The following CNBD1 variants were observed in gnomAD, a reference collection of about 807,000 sequenced individuals.
The protein encoded by CNBD1 is cyclic nucleotide binding domain containing 1, also known as cyclic nucleotide-binding domain-containing protein 1.
In CNBD1, 71 loss-of-function variants were observed where a neutral mutation model predicts 54.4. The ratio of observed to expected loss-of-function variants is 1.30; its 90% CI spans 1.08 to 1.59. The LOEUF (loss-of-function observed/expected upper bound fraction) is 1.59. CNBD1 is among the 40% of genes most tolerant of loss of function. CNBD1 has a pLI of 0.00. For missense variants in CNBD1, 659 were observed against 518.0 expected (o/e 1.27, Z -2.64); for synonymous variants, 182 against 170.7 (o/e 1.07, Z -0.51).
intron 6 of CNBD1, among the ~76,000 whole-genome samples, chr8:87,237,918 A>G (rs535285440): frequency 1.3e-5 from 2 of 152,288 alleles, no homozygotes; most frequent in East Asian, 3.9e-4. Flanking sequence ...TGAATGAATG[A>G]TGTTTCTGAT....
chr8:86,935,301 G>T (rs1586145928), intron 3 of CNBD1, among the ~76,000 whole-genome samples: 1 of 152,160 alleles, frequency 6.6e-6, no homozygotes, highest in Admixed American at 6.5e-5. Context: ...CTCCCAAAGT[G>T]CTGGGATTAC....
intron 4 of CNBD1, among the ~76,000 whole-genome samples, chr8:87,072,132 C>G (rs530986387): frequency 6.6e-6 from 1 of 152,206 alleles, no homozygotes; most frequent in South Asian, 2.1e-4. Flanking sequence ...AGGATTGCAA[C>G]CCCGGCTTTT....
intron 4 of CNBD1, among the ~76,000 whole-genome samples, chr8:87,081,645 A>G (rs1278591262): frequency 6.6e-6 from 1 of 151,924 alleles, no homozygotes; most frequent in Non-Finnish European, 1.5e-5. Flanking sequence ...AGCTGGGATA[A>G]CAGGCGCGCC....
rs146579605 is a variant in CNBD1, at chr8:87,300,094, G to T, written c.1042+13423G>T. ...AAATGTTAACATGTGGAGAACATAT[G>T]CAAATCAGTTATCCATAAGTCAGCA... On this transcript the variant is annotated intron_variant, in intron 8 of 10. Transcript: ENST00000518476. 2.8e-3 allele frequency among the ~76,000 whole-genome samples: 421 copies of T among 152,160 alleles called. 5 individuals carry two copies. The highest frequency in any genetic ancestry group is 9.5e-3 in the African/African-American group (395 of 41,512).
chr8:87,395,086 G>T (rs1232062229), intron 2 of CNBD1, among the ~76,000 whole-genome samples: 2 of 151,806 alleles, frequency 1.3e-5, no homozygotes, highest in Non-Finnish European at 2.9e-5. Context: ...ATAACATAAA[G>T]TTAAATGTAT....
At chr8:87,256,899 T>G (rs1032920398) in intron 6 of CNBD1, among the ~76,000 whole-genome samples, 7 of 151,914 alleles carry the variant, frequency 4.6e-5, no homozygotes, top group Admixed American at 2.6e-4. Flanking sequence ...ACAGTCTTTC[T>G]ATGATGTTCT....
chr8:87,064,664 T>C (rs575835540), intron 4 of CNBD1, among the ~76,000 whole-genome samples: 1 of 152,086 alleles, frequency 6.6e-6, no homozygotes, highest in Non-Finnish European at 1.5e-5. Context: ...GATATTCTAG[T>C]AACCCACCTT....
chr8:87,112,776 T>C (rs191693008), intron 4 of CNBD1, among the ~76,000 whole-genome samples: 1 of 152,264 alleles, frequency 6.6e-6, no homozygotes, highest in East Asian at 1.9e-4. Flanking sequence ...GTGGGGACTT[T>C]ATTGCATCTG....
chr8:87,016,328 T>G (rs1206156520), intron 4 of CNBD1, among the ~76,000 whole-genome samples: 2 of 151,882 alleles, frequency 1.3e-5, no homozygotes, highest in Non-Finnish European at 2.9e-5. Context: ...AATAAGCTTT[T>G]GTTAAAATTT....
intron 8 of CNBD1, among the ~76,000 whole-genome samples, chr8:87,343,258 CAT>C (rs760217769): frequency 4.6e-5 from 7 of 152,140 alleles, no homozygotes; most frequent in African/African-American, 7.2e-5. Context: ...TTCAAACACA[CAT>C]GTTTTACGGT....
intron 4 of CNBD1, among the ~76,000 whole-genome samples, chr8:87,076,734 A>G (rs1016039636): frequency 9.9e-5 from 15 of 151,396 alleles, no homozygotes; most frequent in Non-Finnish European, 1.9e-4. Context: ...GAGCCACCAC[A>G]CCCGGCTGAA....
chr8:87,390,990 G>C (rs28895922), intron 2 of CNBD1, among the ~76,000 whole-genome samples: 1 of 149,640 alleles, frequency 6.7e-6, no homozygotes, highest in South Asian at 2.1e-4. Context: ...CTATCACAAG[G>C]ACAAAAAACC....
chr8:87,166,987 C>T lies in CNBD1; in HGVS notation c.432-39006C>T, dbSNP rs1315503386. On this transcript the variant is annotated intron_variant, in intron 4 of 10. Coordinates refer to ENST00000518476, the MANE Select transcript of CNBD1 (RefSeq NM_173538.3). The surrounding 1 kb of genome is among the most constrained non-coding windows in gnomAD (Gnocchi z 4.3). ...GCTTAACCAAAATGAATGTAGATAGCAATGTGACCATATAAAATATTTTAC... is the reference window on the plus strand; with the variant it reads ...GCTTAACCAAAATGAATGTAGATAGTAATGTGACCATATAAAATATTTTAC... Among the ~76,000 whole-genome samples the T allele has an allele frequency of 6.6e-6, 1 of 151,816 alleles. No homozygotes were observed. The highest frequency in any genetic ancestry group is 1.5e-5 in the Non-Finnish European group (1 of 67,910).
chr8:87,285,934 C>CT (rs1419381245), intron 7 of CNBD1, among the ~76,000 whole-genome samples: 2 of 152,116 alleles, frequency 1.3e-5, no homozygotes, highest in Non-Finnish European at 2.9e-5. Flanking sequence ...GCTGTTTCAT[C>CT]TTTTTTTGAA....
chr8:86,899,514 T>A (rs1013120210), intron 2 of CNBD1, among the ~76,000 whole-genome samples: 2 of 152,182 alleles, frequency 1.3e-5, no homozygotes, highest in Admixed American at 6.5e-5. Flanking sequence ...TTTCACTTAG[T>A]TCTTCAAGTT....
rs748906234 is a variant in CNBD1 at position 87,351,717 on chromosome 8, G to T, written c.1075G>T (p.Val359Leu). ...IVESGNIISF[V>L]GYINSGCCNI... ...GGAAAGTGGAAATATAATTTCTTTTGTGGGTTATATTAACTCTGGATGCTG... is the reference window on the plus strand; with the variant it reads ...GGAAAGTGGAAATATAATTTCTTTTTTGGGTTATATTAACTCTGGATGCTG... Residue 359 changes from valine (V) to leucine (L), a missense_variant, in exon 9 of 11, where the codon GTG (valine) becomes TTG (leucine). Coordinates refer to ENST00000518476, the MANE Select transcript of CNBD1 (RefSeq NM_173538.3). 1.4e-5 allele frequency: 21 copies of T among 1,531,038 alleles called. No individual in the cohort carries two copies. The highest frequency in any genetic ancestry group is 2.4e-5 in the East Asian group (1 of 40,818). 94.8% of individuals were successfully genotyped at this position (1,531,038 alleles called of 1,614,324 possible). A position where few individuals can be genotyped will look rare whatever the true frequency, so the allele number is the denominator to read the frequency against.
At chr8:87,082,785 A>G (rs1811022940) in intron 4 of CNBD1, among the ~76,000 whole-genome samples, 1 of 152,016 alleles carries the variant, frequency 6.6e-6, no homozygotes. Context: ...TTGTTTTCAA[A>G]ATGTTCCATC....
chr8:87,011,976 A>G (rs983545822), intron 4 of CNBD1, among the ~76,000 whole-genome samples: 38 of 152,174 alleles, frequency 2.5e-4, no homozygotes, highest in African/African-American at 8.7e-4. Flanking sequence ...TAAATACAAA[A>G]CAATTTACAT....
intron 1 of CNBD1, among the ~76,000 whole-genome samples, chr8:86,870,501 C>T (rs2446122): frequency 6.6e-6 from 1 of 151,734 alleles, no homozygotes; most frequent in Admixed American, 6.6e-5. Flanking sequence ...CTGGCCAACA[C>T]GATAGTACTC....
Sources: gnomAD v4.1 joint callset for allele counts (sites outside exome capture counted in the v4.1 genomes callset) on GRCh38, gnomAD v4.1.1 for gene constraint, Gnocchi (gnomAD v3.1) non-coding constraint, MANE v1.5 for transcripts, NCBI Gene and HGNC (gene_info 2026-07-23, HGNC 2026-07-21) for gene names.